Variants in CAPN12 observed in about 807,000 individuals in gnomAD.
The protein encoded by CAPN12 is calpain-12.
Under a neutral mutation model 95.0 loss-of-function variants are expected in CAPN12, and 107 were observed. The ratio of observed to expected loss-of-function variants is 1.13; its 90% confidence interval spans 0.96 to 1.32. The LOEUF (loss-of-function observed/expected upper bound fraction) is 1.32. Among genes scored for constraint, CAPN12 ranks in the 40% most tolerant of loss-of-function variants. CAPN12 has a pLI of 0.00. For synonymous variants in CAPN12, 505 were observed against 415.5 expected (o/e 1.22, Z -2.62); for missense variants, 1,136 against 997.8 (o/e 1.14, Z -1.87).
chr19:38,743,871 C>T lies in CAPN12; in HGVS notation c.237+58G>A, dbSNP rs4802775. On this transcript the variant is annotated intron_variant, in intron 1 of 20. Transcript: ENST00000328867. ...CCTTCCTTCCTCAGACCCAGGAGTC[C>T]ATGCCTCCAGCCCCTCCTCCCTCAG... The T allele has an allele frequency of 0.17, 258,203 of 1,537,988 alleles. 22,813 individuals carry two copies. Among genetic ancestry groups the T allele is most frequent in the Middle Eastern group, 0.31 (1,561 of 5,064 alleles).
chr19:38,737,118 C>T (rs1296781738), intron 10 of CAPN12, 38 bp downstream of exon 10: 9 of 1,510,716 alleles, frequency 6.0e-6, no homozygotes, highest in East Asian at 4.9e-5. Flanking sequence ...CTCCACCCTC[C>T]GGGTTCCCTC....
In CAPN12 at chr19:38,730,487, C is replaced by G. The variant is rs570506891; in HGVS notation, c.*365G>C. ...TTTTCTTGGTTTCTGGATAAACCACCCTCTGGGGACAGGATAATAAAACAT... is the reference window on the plus strand; with the variant it reads ...TTTTCTTGGTTTCTGGATAAACCACGCTCTGGGGACAGGATAATAAAACAT... On this transcript the variant is annotated 3_prime_UTR_variant, in exon 21 of 21. Coordinates refer to ENST00000328867, the MANE Select transcript of CAPN12 (RefSeq NM_144691.4). The G allele has an allele frequency of 3.8e-5, 10 of 261,690 alleles. No individual in the cohort carries two copies. The highest frequency in any genetic ancestry group is 1.2e-3 in the Middle Eastern group (1 of 830). 16.2% of individuals were successfully genotyped at this position (261,690 alleles called of 1,614,324 possible). A position where few individuals can be genotyped will look rare whatever the true frequency, so the allele number is the denominator to read the frequency against.
rs1321374160 is a variant in CAPN12 at position 38,736,283 on chromosome 19, C to T, written c.1410G>A (p.Ala470=). The change falls in exon 12 of 21, where the codon GCG becomes GCA. Residue 470 remains alanine, a synonymous_variant. Coordinates refer to ENST00000328867, the MANE Select transcript of CAPN12 (RefSeq NM_144691.4). Reference sequence around the variant, plus strand: ...CGGCGCGCAGCAGCCGGGGCAGGAGCGCATGGCTGCGCGGGGAATCCCAGA... The same window carrying T: ...CGGCGCGCAGCAGCCGGGGCAGGAGTGCATGGCTGCGCGGGGAATCCCAGA... ...LGLWDSPRSH[A]LLPRLLRADR... 2 of 1,445,188 alleles carry T rather than the reference C, an allele frequency of 1.4e-6. No individual in the cohort carries two copies. The highest frequency in any genetic ancestry group is 1.5e-5 in the South Asian group (1 of 68,634). The allele number at this position is 1,445,188 out of a possible 1,614,324, so 89.5% of individuals were successfully genotyped here.
In CAPN12 at chr19:38,737,166, T is replaced by TGGAAGCCAACGGTGAGGTAAG; in HGVS notation, c.1331_1351dup (p.Phe450_His451insProTyrLeuThrValGlyPhe). The stretch of plus-strand genomic sequence containing the variant: ...TGCCCAGGACCTCACCTGGAACACG[T>TGGAAGCCAACGGTGAGGTAAG]GGAAGCCAACGGTGAGGTAAGTGAG... On this transcript the variant is annotated inframe_insertion, in exon 10 of 21. Transcript: ENST00000328867. The TGGAAGCCAACGGTGAGGTAAG allele has an allele frequency of 6.5e-7, 1 of 1,539,444 alleles. No homozygotes were observed. The highest frequency in any genetic ancestry group is 8.7e-7 in the Non-Finnish European group (1 of 1,143,112).
intron 18 of CAPN12, among the ~76,000 whole-genome samples, chr19:38,731,969 A>G (rs1048157530): frequency 6.6e-6 from 1 of 152,204 alleles, no homozygotes; most frequent in African/African-American, 2.4e-5. Context: ...TCTGGCATTC[A>G]TCTGCCCTCG....
chr19:38,736,313 C>G lies in CAPN12; in HGVS notation c.1380G>C (p.Leu460=). 1 of 1,441,394 alleles carries G rather than the reference C, an allele frequency of 6.9e-7. No individual in the cohort carries two copies. Among genetic ancestry groups the G allele is most frequent in the South Asian group, 1.5e-5 (1 of 67,882 alleles). The allele number at this position is 1,441,394 out of a possible 1,614,324, so 89.3% of individuals were successfully genotyped here. ...GGCTGCGCGGGGAATCCCAGAGGCC[C>G]AGCAGCTGGGGACGGGGCGGCATGA... ...FHVFQIPEEL[L]GLWDSPRSHA... The change falls in exon 12 of 21, where the codon CTG becomes CTC. Residue 460 remains leucine, a synonymous_variant. Transcript: ENST00000328867.
intron 2 of CAPN12, among the ~76,000 whole-genome samples, 183 bp downstream of exon 2, chr19:38,742,850 C>CAAAAAAAAAAAAAAAAAAAAAA (rs11406594): frequency 3.8e-5 from 2 of 53,294 alleles, no homozygotes; most frequent in African/African-American, 1.8e-4. Context: ...GACCCCATCT[C>CAAAAAAAAAAAAAAAAAAAAAA]AAAAAAAAAA....
In CAPN12 at chr19:38,736,111, C is replaced by T. The variant is rs761095362; in HGVS notation, c.1582G>A (p.Val528Met). Residue 528 changes from valine to methionine, a missense_variant and splice_region_variant, in exon 12 of 21, where the codon GTG (valine) becomes ATG (methionine). Transcript: ENST00000328867. ...CGGATTTGGGTGCCCGGGGCTCACA[C>T]GGCCGTGTGGCGGCGCTCGGAGAAG... The part of the protein sequence containing the change: ...RVFSERRHTA[V>M]EIDDVISADL... The T allele has an allele frequency of 4.2e-5, 63 of 1,493,978 alleles. No individual in the cohort carries two copies. The highest frequency in any genetic ancestry group is 2.5e-4 in the South Asian group (20 of 79,220). 92.5% of individuals were successfully genotyped at this position (1,493,978 alleles called of 1,614,324 possible).
At position 38,733,608 on chromosome 19, in the gene CAPN12, T is replaced by C. The variant is rs1201207366; in HGVS notation, c.1957+95A>G. The C allele has an allele frequency of 7.8e-6, 9 of 1,153,156 alleles. No individual in the cohort carries two copies. The East Asian group carries it at 1.4e-4, about 18-fold the overall frequency. The allele number at this position is 1,153,156 out of a possible 1,614,324, so 71.4% of individuals were successfully genotyped here. On this transcript the variant is annotated intron_variant, in intron 18 of 20. Coordinates refer to ENST00000328867, the MANE Select transcript of CAPN12 (RefSeq NM_144691.4). Reference sequence around the variant, plus strand: ...GGTGTGGGCCTGTGGATGGCCACAGTGCAGACGGCCACAGCTGAGCAGGGG... The same window carrying C: ...GGTGTGGGCCTGTGGATGGCCACAGCGCAGACGGCCACAGCTGAGCAGGGG...
chr19:38,737,172 C>T lies in CAPN12; in HGVS notation c.1346G>A (p.Gly449Asp). ...GGACCTCACCTGGAACACGTGGAAG[C>T]CAACGGTGAGGTAAGTGAGGCCCTT... ...RAKGLTYLTV[G>D]FHVFQIPEEL... The change falls in exon 10 of 21, where the codon GGC (glycine) becomes GAC (aspartate). Residue 449 changes from glycine to aspartate, a missense_variant. Coordinates refer to ENST00000328867, the MANE Select transcript of CAPN12 (RefSeq NM_144691.4). The T allele has an allele frequency of 6.5e-7, 1 of 1,546,580 alleles. No homozygotes were observed. The highest frequency in any genetic ancestry group is 8.7e-7 in the Non-Finnish European group (1 of 1,146,666).
chr19:38,735,242 G>A (rs1056939187), intron 14 of CAPN12, 128 bp downstream of exon 14: 4 of 916,622 alleles, frequency 4.4e-6, no homozygotes, highest in South Asian at 3.5e-5. Flanking sequence ...GAAAAGGTCA[G>A]GAGATTTAAG....
At chr19:38,743,488 C>T (rs1381714502) in intron 1 of CAPN12, among the ~76,000 whole-genome samples, 1 of 108,250 alleles carries the variant, frequency 9.2e-6, no homozygotes, top group African/African-American at 3.3e-5. Context: ...CGAGCCCCTC[C>T]TCCCTCAGAC....
rs748531967 is a variant in CAPN12 at position 38,733,799 on chromosome 19, G to A, written c.1879-18C>T. ...AATATGGCCTGGGCAGGAAGGATGA[G>A]TCAGGGCTGCCCTCCATGCCCTGAA... On this transcript the variant is annotated intron_variant, in intron 17 of 20. Coordinates refer to ENST00000328867, the MANE Select transcript of CAPN12 (RefSeq NM_144691.4). 4.9e-5 allele frequency: 79 copies of A among 1,603,722 alleles called. No individual in the cohort carries two copies. The highest frequency in any genetic ancestry group is 6.7e-5 in the Non-Finnish European group (78 of 1,171,518).
Position 38,734,836 on chromosome 19 carries a change from A to G in CAPN12, c.1721T>C (p.Leu574Ser). 6.2e-7 allele frequency: 1 copy of G among 1,612,626 alleles called. No homozygotes were observed. The highest frequency in any genetic ancestry group is 1.1e-5 in the South Asian group (1 of 91,044). Reference protein sequence around the residue: ...EELNASQLQALLSIALEPARA... With the variant: ...EELNASQLQASLSIALEPARA... ...ACCAGGCTCCAGGGCAATGCTTAGTAAGGCCTGGAGCTGAGAGGCATTGAG... is the reference window on the plus strand; with the variant it reads ...ACCAGGCTCCAGGGCAATGCTTAGTGAGGCCTGGAGCTGAGAGGCATTGAG... The change falls in exon 15 of 21, where the codon TTA becomes TCA. Residue 574 changes from leucine to serine, a missense_variant. By Grantham distance (145) the Leu-to-Ser change is moderately radical. Transcript: ENST00000328867.
At chr19:38,743,414 T>C (rs1599941186) in intron 1 of CAPN12, among the ~76,000 whole-genome samples, 1 of 68,624 alleles carries the variant, frequency 1.5e-5, no homozygotes, top group Non-Finnish European at 3.0e-5. Flanking sequence ...CCCGAGCCCC[T>C]CCTCCCTCAG....
At chr19:38,738,393 C>G (rs746045402) in intron 7 of CAPN12, 25 bp downstream of exon 7, 22 of 1,611,052 alleles carry the variant, frequency 1.4e-5, no homozygotes, top group Non-Finnish European at 1.7e-5. Context: ...GGTCCAGCCC[C>G]ACACCCACCC....
At position 38,730,747 on chromosome 19, in the gene CAPN12, A is replaced by G. The variant is rs1969520896; in HGVS notation, c.*105T>C. On this transcript the variant is annotated 3_prime_UTR_variant, in exon 21 of 21. Coordinates refer to ENST00000328867, the MANE Select transcript of CAPN12 (RefSeq NM_144691.4). Reference sequence around the variant, plus strand: ...AGTGAGGGCCAGAGACTAGCCCCAGACAGGTGGATGCCAGAGAGAGTGGCA... The same window carrying G: ...AGTGAGGGCCAGAGACTAGCCCCAGGCAGGTGGATGCCAGAGAGAGTGGCA... The G allele has an allele frequency of 7.1e-7, 1 of 1,405,294 alleles. No homozygotes were observed. The highest frequency in any genetic ancestry group is 1.9e-4 in the Middle Eastern group (1 of 5,308). The allele number at this position is 1,405,294 out of a possible 1,614,324, so 87.1% of individuals were successfully genotyped here.
rs1439434067 is a variant in CAPN12 at position 38,733,767 on chromosome 19, C to T, written c.1893G>A (p.Lys631=). 4 of 1,613,602 alleles carry T rather than the reference C, an allele frequency of 2.5e-6. No homozygotes were observed. The highest frequency in any genetic ancestry group is 1.1e-5 in the South Asian group (1 of 91,088). ...TGGTTCCAGAGGTGTCCTCATCGAA[C>T]TTGTTAAATATGGCCTGGGCAGGAA... ...YLLEWQAIFN[K]FDEDTSGTMN... The change falls in exon 18 of 21, where the codon AAG becomes AAA. Residue 631 remains lysine, a synonymous_variant. Transcript: ENST00000328867.
chr19:38,733,541 T>G (rs779539243), intron 18 of CAPN12, 162 bp downstream of exon 18: 65 of 630,582 alleles, frequency 1.0e-4, no homozygotes, highest in Non-Finnish European at 1.6e-4. Context: ...TTGGCCTCTT[T>G]CAGGGTCACC....
Sources: allele counts gnomAD v4.1 joint callset (sites outside exome capture counted in the v4.1 genomes callset), GRCh38; gene constraint gnomAD v4.1.1; transcripts MANE v1.5; gene names NCBI Gene and HGNC (gene_info 2026-07-23, HGNC 2026-07-21).